The following ANKRD13C variants were observed in gnomAD, a reference collection of about 807,000 sequenced individuals.
ANKRD13C encodes the protein ankyrin repeat domain-containing protein 13C.
A neutral mutation model predicts 65.5 loss-of-function variants in ANKRD13C; 16 were observed. The observed-to-expected ratio is 0.24, with a 90% CI of 0.17 to 0.37. ANKRD13C has a LOEUF of 0.37. Among genes scored for constraint, ANKRD13C ranks in the 10% least tolerant of loss-of-function variants. The pLI, the probability that ANKRD13C is intolerant of heterozygous loss-of-function variation, is 1.00. For synonymous variants in ANKRD13C, 235 were observed against 238.7 expected, an observed-to-expected ratio of 0.98 and a Z score of 0.14; for missense variants, 503 against 655.9, an observed-to-expected ratio of 0.77 and a Z score of 2.55.
Position 70,345,660 on chromosome 1 carries a change from A to G in ANKRD13C, c.430+8319T>C, listed in dbSNP as rs866962938. 2.0e-5 allele frequency among the ~76,000 whole-genome samples: 3 copies of G among 152,182 alleles called. No homozygotes were observed. The South Asian group carries it at 6.2e-4, about 32-fold the overall frequency. ...CAATAGCAAAAAAACCGTATTTGGC[A>G]ATATCACCTCCAATCTGACTAGAAC... On this transcript the variant is annotated intron_variant, in intron 1 of 12. Transcript: ENST00000370944.
At chr1:70,321,760 A>C (rs1470016494) in intron 3 of ANKRD13C, among the ~76,000 whole-genome samples, 1 of 152,262 alleles carries the variant, frequency 6.6e-6, no homozygotes. Context: ...GAAAAGCAAC[A>C]TAATCTTGAA....
chr1:70,286,262 C>T (rs1679620205), intron 9 of ANKRD13C, among the ~76,000 whole-genome samples: 1 of 150,114 alleles, frequency 6.7e-6, no homozygotes, highest in South Asian at 2.1e-4. Flanking sequence ...TATAATTGAA[C>T]TCTGAGAATA....
intron 12 of ANKRD13C, among the ~76,000 whole-genome samples, chr1:70,267,917 C>G (rs1346372724): frequency 6.6e-6 from 1 of 152,036 alleles, no homozygotes; most frequent in Non-Finnish European, 1.5e-5. Flanking sequence ...TATACCTTCC[C>G]CCATTTAAAA....
chr1:70,331,296 C>T (rs1340226261), intron 2 of ANKRD13C, among the ~76,000 whole-genome samples: 2 of 151,854 alleles, frequency 1.3e-5, no homozygotes, highest in Non-Finnish European at 2.9e-5. Context: ...CGCAGTGACT[C>T]ACACCTGTAA....
intron 12 of ANKRD13C, among the ~76,000 whole-genome samples, chr1:70,268,884 T>G (rs911007767): frequency 6.6e-6 from 1 of 151,622 alleles, no homozygotes; most frequent in Non-Finnish European, 1.5e-5. Flanking sequence ...GATTTTTTAG[T>G]TTTTTTTTAA....
chr1:70,289,951 G>A (rs192944820), intron 9 of ANKRD13C, among the ~76,000 whole-genome samples: 5 of 152,240 alleles, frequency 3.3e-5, no homozygotes, highest in Non-Finnish European at 1.5e-5. Flanking sequence ...CAGCATTCCC[G>A]CTATTAATTC....
intron 1 of ANKRD13C, among the ~76,000 whole-genome samples, chr1:70,350,317 C>T (rs759693245): frequency 5.3e-5 from 8 of 152,148 alleles, no homozygotes; most frequent in South Asian, 4.1e-4. Context: ...TTCTACTAAA[C>T]GATGATGATG....
chr1:70,294,485 TACATA>T (rs1679993514), intron 8 of ANKRD13C, among the ~76,000 whole-genome samples: 1 of 152,134 alleles, frequency 6.6e-6, no homozygotes, highest in Non-Finnish European at 1.5e-5. Flanking sequence ...CTAATTACCC[TACATA>T]ATGTGAGTGG....
chr1:70,295,196 TTTA>T (rs925403929), intron 8 of ANKRD13C, among the ~76,000 whole-genome samples: 3 of 152,130 alleles, frequency 2.0e-5, no homozygotes, highest in Non-Finnish European at 2.9e-5. Flanking sequence ...AATTTAAAAT[TTTA>T]TAAACATGCT....
chr1:70,275,633 A>G (rs899517542), intron 10 of ANKRD13C, among the ~76,000 whole-genome samples: 3 of 152,080 alleles, frequency 2.0e-5, no homozygotes, highest in Non-Finnish European at 4.4e-5. Context: ...GGCTAATCTA[A>G]TACAATAATA....
chr1:70,325,694 T>C (rs887625339), intron 2 of ANKRD13C, among the ~76,000 whole-genome samples: 14 of 151,598 alleles, frequency 9.2e-5, no homozygotes, highest in African/African-American at 2.7e-4. Flanking sequence ...CTGGCTAACA[T>C]GGTGAAACCC....
chr1:70,343,024 G>A (rs1378404324), intron 1 of ANKRD13C, among the ~76,000 whole-genome samples: 1 of 152,088 alleles, frequency 6.6e-6, no homozygotes, highest in East Asian at 1.9e-4. Flanking sequence ...AGAACATAGA[G>A]AAAAGAGGGG....
At chr1:70,320,993 T>C (rs1443588857) in intron 3 of ANKRD13C, among the ~76,000 whole-genome samples, 1 of 150,440 alleles carries the variant, frequency 6.6e-6, no homozygotes, top group Non-Finnish European at 1.5e-5. Flanking sequence ...CCCCCTATGT[T>C]TCCCAGGCTC....
intron 1 of ANKRD13C, among the ~76,000 whole-genome samples, chr1:70,348,998 T>C (rs1682640580): frequency 6.6e-6 from 1 of 152,166 alleles, no homozygotes; most frequent in Admixed American, 6.5e-5. Context: ...AGCTTCTGAC[T>C]AGCATCCAAG....
intron 6 of ANKRD13C, among the ~76,000 whole-genome samples, chr1:70,303,092 T>C (rs945872923): frequency 1.7e-4 from 26 of 152,210 alleles, no homozygotes; most frequent in Non-Finnish European, 2.9e-4. Flanking sequence ...TATGTAAAAT[T>C]AGTTATAGAA....
intron 2 of ANKRD13C, among the ~76,000 whole-genome samples, chr1:70,333,862 TGAGACCTG>T (rs1681909924): frequency 6.6e-6 from 1 of 152,208 alleles, no homozygotes; most frequent in Non-Finnish European, 1.5e-5. Flanking sequence ...CCACTCTTCC[TGAGACCTG>T]GCTGGTACCT....
At chr1:70,274,402 A>T (rs192741353) in intron 11 of ANKRD13C, among the ~76,000 whole-genome samples, 111 of 133,040 alleles carry the variant, frequency 8.3e-4, no homozygotes, top group African/African-American at 3.0e-3. Flanking sequence ...TGAACCTGGG[A>T]GGTGGAGGTT....
chr1:70,311,755 CTG>C (rs966754613), intron 5 of ANKRD13C, among the ~76,000 whole-genome samples: 5 of 152,092 alleles, frequency 3.3e-5, no homozygotes, highest in African/African-American at 1.2e-4. Context: ...TCTTAGTAAA[CTG>C]AGGATAATTT....
intron 6 of ANKRD13C, among the ~76,000 whole-genome samples, chr1:70,304,961 GT>G (rs927956261): frequency 1.3e-5 from 2 of 151,706 alleles, no homozygotes; most frequent in Non-Finnish European, 2.9e-5. Context: ...ACCTGAAGAG[GT>G]TTTTTTAAAA....
Sources: gnomAD v4.1 joint callset for allele counts (sites outside exome capture counted in the v4.1 genomes callset) on GRCh38, gnomAD v4.1.1 for gene constraint, MANE v1.5 for transcripts, NCBI Gene and HGNC (gene_info 2026-07-23, HGNC 2026-07-21) for gene names.